ARHGEF18: variants seen among roughly 807,000 people sequenced by gnomAD.
ARHGEF18 encodes rho guanine nucleotide exchange factor 18.
Under a neutral mutation model 155.7 loss-of-function variants are expected in ARHGEF18, and 93 were observed. The ratio of observed to expected loss-of-function variants is 0.60; its 90% confidence interval spans 0.50 to 0.71. ARHGEF18 has a LOEUF of 0.71. ARHGEF18 is among the 30% of genes least tolerant of loss of function. The pLI is 0.00. For synonymous variants in ARHGEF18, 742 were observed against 753.1 expected, an observed-to-expected ratio of 0.99 and a Z score of 0.24; for missense variants, 1,593 against 1,816.1, an observed-to-expected ratio of 0.88 and a Z score of 2.23.
At chr19:7,450,229 T>G (rs1975281637) in intron 15 of ARHGEF18, among the ~76,000 whole-genome samples, 1 of 149,370 alleles carries the variant, frequency 6.7e-6, no homozygotes, top group Non-Finnish European at 1.5e-5. Context: ...CGCTTTCTGT[T>G]TCTGAGATGT....
rs141372539 is a variant in ARHGEF18 at position 7,472,002 on chromosome 19, C to T, written c.*1704C>T. The T allele has an allele frequency of 4.9e-3, 740 of 151,338 alleles. 4 individuals are homozygous for T. Among genetic ancestry groups the T allele is most frequent in the Non-Finnish European group, 8.3e-3 (565 of 67,924 alleles). The allele number at this position is 151,338 out of a possible 1,614,324, so 9.4% of individuals were successfully genotyped here. On this transcript the variant is annotated 3_prime_UTR_variant, in exon 29 of 29. Coordinates refer to ENST00000668164, the MANE Select transcript of ARHGEF18 (RefSeq NM_001367823.1). ...TGTATTTTTGTACTGAGTATCGGAGCACTTTACAGAAGCTGACTGTACATT... is the reference window on the plus strand; with the variant it reads ...TGTATTTTTGTACTGAGTATCGGAGTACTTTACAGAAGCTGACTGTACATT...
intron 26 of ARHGEF18, among the ~76,000 whole-genome samples, chr19:7,468,346 A>G (rs1035184085): frequency 1.3e-5 from 2 of 151,550 alleles, no homozygotes; most frequent in Admixed American, 6.6e-5. Flanking sequence ...GGTATTTGAG[A>G]CCAGCCTGGG....
At chr19:7,392,100 A>C (rs1275753494) in intron 10 of ARHGEF18, among the ~76,000 whole-genome samples, 3 of 151,322 alleles carry the variant, frequency 2.0e-5, no homozygotes, top group African/African-American at 7.3e-5. Context: ...AATTAGCCAG[A>C]TGTAGTGGCG....
chr19:7,360,160 C>T (rs1969487195), intron 1 of ARHGEF18, among the ~76,000 whole-genome samples: 1 of 138,412 alleles, frequency 7.2e-6, no homozygotes, highest in Admixed American at 6.8e-5. Flanking sequence ...AACAAAACAA[C>T]AACAACAACA....
intron 10 of ARHGEF18, among the ~76,000 whole-genome samples, chr19:7,398,995 G>C (rs1568298313): frequency 6.6e-6 from 1 of 152,150 alleles, no homozygotes; most frequent in Non-Finnish European, 1.5e-5. Flanking sequence ...CTCATCCTGG[G>C]TCATGTTTCT....
intron 15 of ARHGEF18, among the ~76,000 whole-genome samples, chr19:7,447,870 T>TGTAA (rs1975095215): frequency 6.6e-6 from 1 of 152,134 alleles, no homozygotes; most frequent in Non-Finnish European, 1.5e-5. Flanking sequence ...GGTGCACACC[T>TGTAA]GTAATCCCAG....
Position 7,440,174 on chromosome 19 carries a change from C to T in ARHGEF18, c.968-170C>T, listed in dbSNP as rs759279408. On this transcript the variant is annotated intron_variant, in intron 10 of 28. Transcript: ENST00000668164. The surrounding 1 kb of genome is among the most constrained non-coding windows in gnomAD (Gnocchi z 5.4). ...CCGGCCGCCCCGAGCTGTCTTTTTA[C>T]GGCTCTTTCCCCAGGAAATGGAGCG... 1.2e-5 allele frequency: 18 copies of T among 1,551,402 alleles called. No homozygotes were observed. The highest frequency in any genetic ancestry group is 2.4e-5 in the East Asian group (1 of 40,924).
At chr19:7,367,873 T>TACAC (rs2145376345) in intron 2 of ARHGEF18, among the ~76,000 whole-genome samples, 3 of 39,140 alleles carry the variant, frequency 7.7e-5, no homozygotes, top group African/African-American at 2.1e-4. Flanking sequence ...TATATTTTTA[T>TACAC]ATATATATAT....
At chr19:7,467,148 G>C in intron 25 of ARHGEF18, 30 bp downstream of exon 25, 1 of 1,584,016 alleles carries the variant, frequency 6.3e-7, no homozygotes, top group East Asian at 2.3e-5. Context: ...CCGGCCACGC[G>C]TGCCCTTTCC....
chr19:7,367,060 C>A (rs1160981277), intron 2 of ARHGEF18, among the ~76,000 whole-genome samples: 1 of 152,014 alleles, frequency 6.6e-6, no homozygotes, highest in Non-Finnish European at 1.5e-5. Flanking sequence ...CGGCCCTGGC[C>A]CCCTGACTCC....
intron 10 of ARHGEF18, among the ~76,000 whole-genome samples, chr19:7,384,432 C>T (rs1028065566): frequency 2.0e-5 from 3 of 152,230 alleles, no homozygotes; most frequent in African/African-American, 4.8e-5. Context: ...TCTCCACCCC[C>T]GGGGCAAGTG....
intron 10 of ARHGEF18, among the ~76,000 whole-genome samples, chr19:7,426,358 G>A (rs8111435): frequency 0.23 from 34,459 of 151,350 alleles, 4,936 homozygotes; most frequent in Middle Eastern, 0.43. Context: ...GTGGTGGAAC[G>A]TGCCTGTCGT....
intron 10 of ARHGEF18, among the ~76,000 whole-genome samples, chr19:7,407,609 A>G (rs1257760214): frequency 6.6e-6 from 1 of 152,086 alleles, no homozygotes; most frequent in Non-Finnish European, 1.5e-5. Flanking sequence ...CCCAGACTGC[A>G]TGAGCCCAGC....
intron 10 of ARHGEF18, among the ~76,000 whole-genome samples, chr19:7,433,794 C>T (rs901479465): frequency 1.6e-4 from 25 of 151,526 alleles, no homozygotes; most frequent in Non-Finnish European, 2.7e-4. Flanking sequence ...CCGAGGCAGG[C>T]GAATCACTTG....
At chr19:7,404,219 C>T (rs906429153) in intron 10 of ARHGEF18, among the ~76,000 whole-genome samples, 1 of 152,036 alleles carries the variant, frequency 6.6e-6, no homozygotes, top group Non-Finnish European at 1.5e-5. Context: ...GTACGGGCTG[C>T]CCTGGGGCCG....
At chr19:7,393,043 G>A (rs1488108123) in intron 10 of ARHGEF18, among the ~76,000 whole-genome samples, 2 of 93,276 alleles carry the variant, frequency 2.1e-5, no homozygotes, top group Non-Finnish European at 3.8e-5. Context: ...GTGAGATCCT[G>A]TCTCAAAAAA....
chr19:7,361,295 AG>A (rs1452323332), intron 1 of ARHGEF18, among the ~76,000 whole-genome samples: 1 of 152,218 alleles, frequency 6.6e-6, no homozygotes, highest in African/African-American at 2.4e-5. Flanking sequence ...AAAATTAGCC[AG>A]GTGTGGTGGT....
chr19:7,407,821 G>C (rs1972410078), intron 10 of ARHGEF18, among the ~76,000 whole-genome samples: 1 of 151,968 alleles, frequency 6.6e-6, no homozygotes, highest in Non-Finnish European at 1.5e-5. Flanking sequence ...AAACTAGCCG[G>C]GCGTGGTGGC....
intron 17 of ARHGEF18, 147 bp downstream of exon 17, chr19:7,453,862 G>A: frequency 8.7e-7 from 1 of 1,146,934 alleles, no homozygotes; most frequent in Non-Finnish European, 1.2e-6. Flanking sequence ...TCTTGGATTG[G>A]TGGGTACTCT....
Sources: gnomAD v4.1 joint callset for allele counts (sites outside exome capture counted in the v4.1 genomes callset) on GRCh38, gnomAD v4.1.1 for gene constraint, Gnocchi (gnomAD v3.1) non-coding constraint, MANE v1.5 for transcripts, NCBI Gene and HGNC (gene_info 2026-07-23, HGNC 2026-07-21) for gene names.